Variants in SPOCK3 observed in about 807,000 individuals in gnomAD.
The protein encoded by SPOCK3 is SPARC (osteonectin), cwcv and kazal like domains proteoglycan 3.
A neutral mutation model predicts 56.6 loss-of-function variants in SPOCK3; 30 were observed. The observed-to-expected ratio is 0.53, with a 90% CI of 0.40 to 0.72. The LOEUF (loss-of-function observed/expected upper bound fraction) is 0.72. Ranked by LOEUF, SPOCK3 falls within the 30% of genes least tolerant of loss-of-function variation. The probability of loss-of-function intolerance (pLI) is 0.00; values close to 1 mark genes in which losing one functional copy is unlikely to be tolerated. For missense variants in SPOCK3, 527 were observed against 530.0 expected (o/e 0.99, Z 0.06); for synonymous variants, 196 against 183.3 (o/e 1.07, Z -0.56).
At chr4:166,982,377 CATA>C (rs1245546658) in intron 4 of SPOCK3, among the ~76,000 whole-genome samples, 1 of 152,150 alleles carries the variant, frequency 6.6e-6, no homozygotes, top group Non-Finnish European at 1.5e-5. Flanking sequence ...TGTAATCTCA[CATA>C]ATAATAAACA....
chr4:166,770,939 G>A lies in SPOCK3; in HGVS notation c.710-16210C>T, dbSNP rs532263124. ...GTGACATGAATGAGATTTCAGGTTA[G>A]AACTTCAGTTTCCTTTTTATGTCTA... On this transcript the variant is annotated intron_variant, in intron 7 of 10. Coordinates refer to ENST00000357545, the MANE Select transcript of SPOCK3 (RefSeq NM_001040159.2). Among the ~76,000 whole-genome samples, 90 of 151,454 alleles carry A rather than the reference G, an allele frequency of 5.9e-4. 1 individual carries two copies. The highest frequency in any genetic ancestry group is 1.1e-3 in the Non-Finnish European group (74 of 67,830).
intron 7 of SPOCK3, among the ~76,000 whole-genome samples, chr4:166,786,144 G>A (rs1407916474): frequency 1.3e-5 from 2 of 152,140 alleles, no homozygotes; most frequent in Non-Finnish European, 2.9e-5. Context: ...AAGGCACCTA[G>A]TGAGGAATGT....
At chr4:166,960,857 T>A (rs1234204450) in intron 4 of SPOCK3, among the ~76,000 whole-genome samples, 1 of 150,468 alleles carries the variant, frequency 6.6e-6, no homozygotes, top group African/African-American at 2.5e-5. Flanking sequence ...AACTGGGAAC[T>A]GAATAGTTGG....
chr4:167,197,030 T>G (rs1303264781), intron 2 of SPOCK3, among the ~76,000 whole-genome samples: 1 of 152,184 alleles, frequency 6.6e-6, no homozygotes, highest in Non-Finnish European at 1.5e-5. Flanking sequence ...TATCACAGTT[T>G]CCACCTACAC....
At chr4:167,197,114 C>A (rs1733031717) in intron 2 of SPOCK3, among the ~76,000 whole-genome samples, 1 of 152,074 alleles carries the variant, frequency 6.6e-6, no homozygotes, top group Non-Finnish European at 1.5e-5. Flanking sequence ...ATCTACCAGG[C>A]TTGGGTCAAC....
At chr4:166,799,961 C>T (rs914497100) in intron 6 of SPOCK3, among the ~76,000 whole-genome samples, 1 of 151,854 alleles carries the variant, frequency 6.6e-6, no homozygotes, top group African/African-American at 2.4e-5. Flanking sequence ...GTGAGTGGAT[C>T]ACAAGGTCAG....
At chr4:166,928,287 G>C (rs1739347896) in intron 4 of SPOCK3, among the ~76,000 whole-genome samples, 1 of 152,178 alleles carries the variant, frequency 6.6e-6, no homozygotes, top group Admixed American at 6.5e-5. Context: ...GATGTTTATA[G>C]CAGCTTTATT....
intron 7 of SPOCK3, among the ~76,000 whole-genome samples, chr4:166,769,400 C>T (rs1351937547): frequency 6.6e-6 from 1 of 152,018 alleles, no homozygotes; most frequent in Non-Finnish European, 1.5e-5. Flanking sequence ...AGTTTTCTTT[C>T]TAACAGTCAG....
chr4:166,956,594 A>C (rs769815318), intron 4 of SPOCK3, among the ~76,000 whole-genome samples: 2 of 152,178 alleles, frequency 1.3e-5, no homozygotes, highest in Non-Finnish European at 2.9e-5. Flanking sequence ...TATTTCTGAA[A>C]TTTTCCATTT....
intron 2 of SPOCK3, among the ~76,000 whole-genome samples, chr4:167,063,016 A>G (rs949264984): frequency 6.6e-6 from 1 of 151,898 alleles, no homozygotes; most frequent in African/African-American, 2.4e-5. Context: ...ATACCAAGTG[A>G]TTCTGCAGTG....
At chr4:166,773,373 C>T (rs866088996) in intron 7 of SPOCK3, among the ~76,000 whole-genome samples, 1 of 152,030 alleles carries the variant, frequency 6.6e-6, no homozygotes, top group African/African-American at 2.4e-5. Context: ...TGTTATGAGA[C>T]TGTAATGAAG....
intron 3 of SPOCK3, chr4:167,011,314 A>G (rs1444381062): frequency 2.2e-6 from 1 of 456,006 alleles, no homozygotes; most frequent in Non-Finnish European, 4.4e-6. Context: ...TGGAAATGTC[A>G]TCAGTTGATT....
At chr4:167,011,028 C>T (rs1383070676) in intron 3 of SPOCK3, among the ~76,000 whole-genome samples, 3 of 151,932 alleles carry the variant, frequency 2.0e-5, no homozygotes, top group Admixed American at 1.3e-4. Context: ...GATTTCATAA[C>T]TTTTAAACTA....
At chr4:166,823,642 A>T (rs1482578523) in intron 6 of SPOCK3, among the ~76,000 whole-genome samples, 2 of 152,132 alleles carry the variant, frequency 1.3e-5, no homozygotes. Flanking sequence ...TCTCACCAAT[A>T]TTAAAATATG....
At chr4:166,931,335 G>T (rs34549292) in intron 4 of SPOCK3, among the ~76,000 whole-genome samples, 3 of 150,862 alleles carry the variant, frequency 2.0e-5, no homozygotes, top group Non-Finnish European at 4.4e-5. Flanking sequence ...GTGTGTGGGG[G>T]GTGGGGGGGC....
chr4:166,892,372 T>G (rs1734872573), intron 5 of SPOCK3, among the ~76,000 whole-genome samples: 1 of 151,946 alleles, frequency 6.6e-6, no homozygotes, highest in Non-Finnish European at 1.5e-5. Flanking sequence ...ATCAGATGTA[T>G]AGCAAATATG....
chr4:167,222,948 TAATA>T (rs966587840), intron 2 of SPOCK3, among the ~76,000 whole-genome samples: 4 of 127,822 alleles, frequency 3.1e-5, no homozygotes, highest in East Asian at 4.6e-4. Flanking sequence ...TGTAAACATA[TAATA>T]TATATTATAC....
chr4:167,026,820 G>GTTTT (rs529088799), intron 3 of SPOCK3, among the ~76,000 whole-genome samples: 1 of 132,554 alleles, frequency 7.5e-6, no homozygotes, highest in Non-Finnish European at 1.6e-5. Flanking sequence ...GGCATTTGAA[G>GTTTT]TTTTTTTTTT....
chr4:167,000,235 T>G, intron 4 of SPOCK3, 114 bp downstream of exon 4: 1 of 504,744 alleles, frequency 2.0e-6, no homozygotes, highest in Non-Finnish European at 3.5e-6. Context: ...CTGTAACTGT[T>G]TCAATAAAAC....
Sources: gnomAD v4.1 joint callset for allele counts (sites outside exome capture counted in the v4.1 genomes callset) on GRCh38, gnomAD v4.1.1 for gene constraint, MANE v1.5 for transcripts, NCBI Gene and HGNC (gene_info 2026-07-23, HGNC 2026-07-21) for gene names.